MEI4: variants seen among roughly 807,000 people sequenced by gnomAD.
The protein encoded by MEI4 is meiotic double-stranded break formation protein 4.
A neutral mutation model predicts 31.4 loss-of-function variants in MEI4; 27 were observed. The ratio of observed to expected loss-of-function variants is 0.86; its 90% confidence interval spans 0.63 to 1.19. The LOEUF (loss-of-function observed/expected upper bound fraction) is 1.19, where lower values mean the gene tolerates loss of function less well. MEI4 is among the 50% of genes most tolerant of loss of function. MEI4 has a pLI of 0.00. For missense variants in MEI4, 329 were observed against 398.9 expected, an observed-to-expected ratio of 0.82 and a Z score of 1.49; for synonymous variants, 122 against 145.4, an observed-to-expected ratio of 0.84 and a Z score of 1.16.
intron 2 of MEI4, among the ~76,000 whole-genome samples, chr6:77,729,707 T>C (rs1766922371): frequency 1.3e-5 from 2 of 152,162 alleles, no homozygotes; most frequent in African/African-American, 2.4e-5. Context: ...AGAGAACAGA[T>C]ATGAGAATCC....
chr6:77,711,438 G>A (rs368804367), intron 2 of MEI4, among the ~76,000 whole-genome samples: 7 of 152,196 alleles, frequency 4.6e-5, no homozygotes, highest in South Asian at 4.2e-4. Flanking sequence ...TTATAAAGCC[G>A]GAAAGAGAAA....
At position 77,919,826 on chromosome 6, in the gene MEI4, G is replaced by A. The variant is rs369731580; in HGVS notation, c.901-3263G>A. On this transcript the variant is annotated intron_variant, in intron 4 of 4. Coordinates refer to ENST00000684080, the MANE Select transcript of MEI4 (RefSeq NM_001322247.2). ...AAATGATAAAGGGGATATCACCACC[G>A]ATCCCACAGAAATACAAACTACCAT... Among the ~76,000 whole-genome samples the A allele has an allele frequency of 5.8e-3, 871 of 149,180 alleles. 7 individuals are homozygous for A. Among genetic ancestry groups the A allele is most frequent in the African/African-American group, 0.018 (735 of 40,954 alleles).
At chr6:77,857,912 A>G (rs569044928) in intron 4 of MEI4, among the ~76,000 whole-genome samples, 5 of 152,340 alleles carry the variant, frequency 3.3e-5, no homozygotes, top group African/African-American at 1.2e-4. Flanking sequence ...TTCTGATCAG[A>G]TGTACTCTGC....
At chr6:77,652,907 G>A (rs980285922), upstream of MEI4, among the ~76,000 whole-genome samples, 1 of 152,180 alleles carries the variant, frequency 6.6e-6, no homozygotes, top group Admixed American at 6.5e-5. Context: ...AGTATAGAAT[G>A]TTAAGAGCAC....
At chr6:77,841,488 T>G (rs1393172050) in intron 4 of MEI4, among the ~76,000 whole-genome samples, 3 of 151,006 alleles carry the variant, frequency 2.0e-5, no homozygotes, top group Non-Finnish European at 4.4e-5. Flanking sequence ...TACAAGAGTG[T>G]GCCACTACTC....
intron 1 of MEI4, among the ~76,000 whole-genome samples, chr6:77,680,012 T>C (rs2127648659): frequency 6.6e-6 from 1 of 151,260 alleles, no homozygotes; most frequent in Non-Finnish European, 1.5e-5. Context: ...GTGCTGGGAT[T>C]GCAGGCGTGA....
At chr6:77,910,583 C>T (rs12216421) in intron 4 of MEI4, among the ~76,000 whole-genome samples, 43,437 of 151,962 alleles carry the variant, frequency 0.29, 6,888 homozygotes, top group South Asian at 0.38. Flanking sequence ...GAACATTCCA[C>T]GCTCATGGGT....
At chr6:77,735,167 T>G (rs973846906) in intron 2 of MEI4, among the ~76,000 whole-genome samples, 1 of 151,944 alleles carries the variant, frequency 6.6e-6, no homozygotes, top group Non-Finnish European at 1.5e-5. Flanking sequence ...TTTCCTGAAT[T>G]TGAATGTTGG....
chr6:77,756,993 A>C (rs1767934254), intron 2 of MEI4, among the ~76,000 whole-genome samples: 1 of 152,222 alleles, frequency 6.6e-6, no homozygotes, highest in Non-Finnish European at 1.5e-5. Flanking sequence ...CTATAATGGA[A>C]ATGTACAGAA....
At chr6:77,914,316 A>G (rs138906645) in intron 4 of MEI4, among the ~76,000 whole-genome samples, 338 of 152,058 alleles carry the variant, frequency 2.2e-3, no homozygotes, top group African/African-American at 7.4e-3. Flanking sequence ...GTTTCAAGAC[A>G]TTTTTTAATT....
intron 4 of MEI4, among the ~76,000 whole-genome samples, chr6:77,868,401 A>G (rs1236654125): frequency 2.0e-5 from 3 of 149,232 alleles, no homozygotes; most frequent in African/African-American, 7.3e-5. Context: ...AATAAAATCT[A>G]AGATACAGAA....
chr6:77,910,648 C>A lies in MEI4; in HGVS notation c.901-12441C>A, dbSNP rs550725096. Among the ~76,000 whole-genome samples the A allele has an allele frequency of 7.9e-5, 12 of 152,188 alleles. No homozygotes were observed. In the South Asian group the frequency reaches 2.3e-3, roughly 29 times the overall value. On this transcript the variant is annotated intron_variant, in intron 4 of 4. Transcript: ENST00000684080. ...TACAGCCCAAAGTAATTTATAGATT[C>A]AATGCCATCCCCATCAAGCTACCAA...
At chr6:77,857,454 C>T (rs1442097157) in intron 4 of MEI4, among the ~76,000 whole-genome samples, 3 of 152,144 alleles carry the variant, frequency 2.0e-5, no homozygotes, top group Non-Finnish European at 4.4e-5. Context: ...TAATTTAAAG[C>T]TATTTCTGAT....
intron 3 of MEI4, among the ~76,000 whole-genome samples, chr6:77,787,744 T>A (rs1316133083): frequency 3.3e-5 from 5 of 151,790 alleles, no homozygotes; most frequent in African/African-American, 1.2e-4. Flanking sequence ...CCTGAAAAAA[T>A]TTCAAAATAA....
At chr6:77,885,803 T>A (rs191986194) in intron 4 of MEI4, among the ~76,000 whole-genome samples, 62 of 152,232 alleles carry the variant, frequency 4.1e-4, no homozygotes, top group Non-Finnish European at 3.4e-4. Flanking sequence ...TAGCTGTGGG[T>A]TTTTATATAT....
intron 4 of MEI4, among the ~76,000 whole-genome samples, chr6:77,918,294 A>G (rs1183960937): frequency 4.1e-5 from 6 of 148,090 alleles, no homozygotes; most frequent in Admixed American, 1.4e-4. Context: ...GTTTTTTCCA[A>G]TTCTGTGAAG....
At chr6:77,880,501 G>A (rs985533794) in intron 4 of MEI4, among the ~76,000 whole-genome samples, 1 of 152,094 alleles carries the variant, frequency 6.6e-6, no homozygotes, top group Non-Finnish European at 1.5e-5. Context: ...TAAAGAATAT[G>A]TTATTTTTAA....
In MEI4 at chr6:77,923,411, C is replaced by A. The variant is rs1353219729; in HGVS notation, c.*65C>A. The stretch of plus-strand genomic sequence containing the variant: ...AAGTAGAATATATGAAAATCTCATA[C>A]TGAAAAGATTTTCAATAGTATTTTA... On this transcript the variant is annotated 3_prime_UTR_variant, in exon 5 of 5. Coordinates refer to ENST00000684080, the MANE Select transcript of MEI4 (RefSeq NM_001322247.2). The A allele has an allele frequency of 8.7e-7, 1 of 1,143,536 alleles. No homozygotes were observed. Among genetic ancestry groups the A allele is most frequent in the Non-Finnish European group, 1.1e-6 (1 of 908,988 alleles). 70.8% of individuals were successfully genotyped at this position (1,143,536 alleles called of 1,614,324 possible).
chr6:77,756,386 G>A (rs1767918770), intron 2 of MEI4, among the ~76,000 whole-genome samples: 1 of 152,018 alleles, frequency 6.6e-6, no homozygotes, highest in South Asian at 2.1e-4. Context: ...GGGAGTGAGT[G>A]GTTTCCAGTA....
Sources: gnomAD v4.1 joint callset for allele counts (sites outside exome capture counted in the v4.1 genomes callset) on GRCh38, gnomAD v4.1.1 for gene constraint, MANE v1.5 for transcripts, NCBI Gene and HGNC (gene_info 2026-07-23, HGNC 2026-07-21) for gene names.